Variants in HPN observed in about 807,000 individuals in gnomAD.
HPN encodes the protein hepsin.
HPN carries 13 observed loss-of-function variants against 55.9 expected under a neutral mutation model. That is an observed-to-expected ratio of 0.23 (90% CI 0.15 to 0.37). The LOEUF is 0.37. Ranked by LOEUF, HPN falls within the 10% of genes least tolerant of loss-of-function variation. The probability of loss-of-function intolerance (pLI) is 1.00; values close to 1 mark genes in which losing one functional copy is unlikely to be tolerated. For synonymous variants in HPN, 225 were observed against 240.3 expected (o/e 0.94, Z 0.59); for missense variants, 451 against 575.8 (o/e 0.78, Z 2.22).
At chr19:35,061,308 C>T (rs1325746429) in intron 9 of HPN, among the ~76,000 whole-genome samples, 1 of 151,202 alleles carries the variant, frequency 6.6e-6, no homozygotes, top group African/African-American at 2.5e-5. Flanking sequence ...CCAGCCTGGC[C>T]AACATGGTGA....
intron 4 of HPN, chr19:35,059,326 A>C: frequency 2.5e-6 from 1 of 401,280 alleles, no homozygotes; most frequent in Admixed American, 3.6e-5. Context: ...ACAAACAAAC[A>C]AAAAAATTAG....
chr19:35,041,705 A>ACCCC, upstream of HPN: 1 of 182,770 alleles, frequency 5.5e-6, no homozygotes, highest in Non-Finnish European at 6.4e-6. Flanking sequence ...CCCCTCGCCC[A>ACCCC]GCCCCCTCCT....
At chr19:35,046,905 T>C (rs2064347532) in intron 2 of HPN, among the ~76,000 whole-genome samples, 2 of 152,266 alleles carry the variant, frequency 1.3e-5, no homozygotes, top group Middle Eastern at 3.4e-3. Flanking sequence ...CTCGGCTCAC[T>C]GCAAGCTCTG....
upstream of HPN, chr19:35,041,550 G>A (rs545194936): frequency 7.0e-5 from 60 of 852,696 alleles, no homozygotes; most frequent in African/African-American, 1.0e-3. Context: ...CCCGCAGACA[G>A]GCACACCTGG....
chr19:35,061,453 G>GCCAA (rs2064531201), intron 9 of HPN, among the ~76,000 whole-genome samples: 1 of 152,162 alleles, frequency 6.6e-6, no homozygotes, highest in Admixed American at 6.5e-5. Context: ...AATTAGCCTG[G>GCCAA]CGTGGTGGCA....
chr19:35,065,817 C>G, intron 11 of HPN, 51 bp from the exon 12 acceptor site: 1 of 1,607,086 alleles, frequency 6.2e-7, no homozygotes, highest in African/African-American at 1.3e-5. Flanking sequence ...CGGGGTGGGC[C>G]TCCTGTCCAA....
intron 2 of HPN, 48 bp downstream of exon 2, chr19:35,042,570 G>C: frequency 6.6e-7 from 1 of 1,510,552 alleles, no homozygotes; most frequent in African/African-American, 1.4e-5. Context: ...CTGGCGCCCC[G>C]CCCTCTGTGC....
At chr19:35,042,755 C>G (rs747481491) in intron 2 of HPN, among the ~76,000 whole-genome samples, 1 of 152,134 alleles carries the variant, frequency 6.6e-6, no homozygotes, top group Non-Finnish European at 1.5e-5. Context: ...CGTGCTGCCT[C>G]AGTTTCCCCT....
At chr19:35,042,392 C>G in intron 1 of HPN, 61 bp from the exon 2 acceptor site, 1 of 1,491,060 alleles carries the variant, frequency 6.7e-7, no homozygotes, top group Admixed American at 2.3e-5. Flanking sequence ...GGACTGGGGG[C>G]GCCAGGACTG....
intron 2 of HPN, among the ~76,000 whole-genome samples, chr19:35,048,082 A>AAAAGAAAAAAGG (rs1555723025): frequency 4.1e-5 from 4 of 96,984 alleles, no homozygotes; most frequent in African/African-American, 8.0e-5. Context: ...GAAAGAAAGA[A>AAAAGAAAAAAGG]AAGGAAGGAA....
chr19:35,049,361 ACAG>A lies in HPN; in HGVS notation c.90_92del (p.Ala31del). Reference sequence around the variant, plus strand: ...CACTGCGGGGACCCTGCTACTTCTGACAGCCATCGGGGCGGCATCCTGGGCCAT... The same window carrying A: ...CACTGCGGGGACCCTGCTACTTCTGACCATCGGGGCGGCATCCTGGGCCAT... On this transcript the variant is annotated inframe_deletion, in exon 3 of 13. Transcript: ENST00000672452. The A allele has an allele frequency of 6.2e-7, 1 of 1,603,630 alleles. No individual in the cohort carries two copies. Among genetic ancestry groups the A allele is most frequent in the Non-Finnish European group, 8.5e-7 (1 of 1,173,362 alleles).
Position 35,066,442 on chromosome 19 carries a change from C to T in HPN, c.*155C>T. On this transcript the variant is annotated 3_prime_UTR_variant, in exon 13 of 13. Transcript: ENST00000672452. ...GGTCCTCTCTTCCACAGTGGCGGGC[C>T]CACTCAGCCCCGAGACCACCCAACC... 1.2e-5 allele frequency: 12 copies of T among 996,838 alleles called. No individual in the cohort carries two copies. Among genetic ancestry groups the T allele is most frequent in the East Asian group, 2.6e-5 (1 of 37,990 alleles). 61.7% of individuals were successfully genotyped at this position (996,838 alleles called of 1,614,324 possible).
At chr19:35,051,380 A>T (rs2064403860) in intron 4 of HPN, among the ~76,000 whole-genome samples, 1 of 152,134 alleles carries the variant, frequency 6.6e-6, no homozygotes, top group Non-Finnish European at 1.5e-5. Flanking sequence ...AAGTGCTGGG[A>T]CTACAGGCAT....
intron 4 of HPN, among the ~76,000 whole-genome samples, chr19:35,055,902 G>A (rs149535241): frequency 6.6e-6 from 1 of 152,262 alleles, no homozygotes; most frequent in East Asian, 1.9e-4. Context: ...CCTGAGTCAG[G>A]TCAGGGCCCT....
chr19:35,043,462 T>C (rs1484260950), intron 2 of HPN, among the ~76,000 whole-genome samples: 1 of 152,212 alleles, frequency 6.6e-6, no homozygotes, highest in Non-Finnish European at 1.5e-5. Flanking sequence ...ACTTTCTAGC[T>C]GTGTGGCCCT....
upstream of HPN, chr19:35,041,713 C>T (rs558330696): frequency 1.7e-6 from 2 of 1,177,674 alleles, no homozygotes; most frequent in East Asian, 1.7e-4. Flanking sequence ...CCAGCCCCCT[C>T]CTCCTCAGGT....
intron 2 of HPN, among the ~76,000 whole-genome samples, chr19:35,047,459 C>T (rs2064353150): frequency 1.3e-5 from 2 of 152,216 alleles, no homozygotes; most frequent in African/African-American, 2.4e-5. Flanking sequence ...AGCCCACCTG[C>T]TGCCCCAGCC....
chr19:35,046,638 G>A (rs191794592), intron 2 of HPN, among the ~76,000 whole-genome samples: 16 of 152,294 alleles, frequency 1.1e-4, no homozygotes, highest in Middle Eastern at 3.4e-3. Context: ...GCCTGGTGCC[G>A]GGTTCACCAG....
At chr19:35,054,517 T>G (rs2151760636) in intron 4 of HPN, among the ~76,000 whole-genome samples, 1 of 152,216 alleles carries the variant, frequency 6.6e-6, no homozygotes, top group South Asian at 2.1e-4. Context: ...GCCAGCCCAC[T>G]GACACCCCCC....
Sources: allele counts gnomAD v4.1 joint callset (sites outside exome capture counted in the v4.1 genomes callset), GRCh38; gene constraint gnomAD v4.1.1; transcripts MANE v1.5; gene names NCBI Gene and HGNC (gene_info 2026-07-23, HGNC 2026-07-21).